Variants in CFAP299 observed in about 807,000 individuals in gnomAD.
CFAP299 encodes cilia- and flagella-associated protein 299.
Under a neutral mutation model 27.0 loss-of-function variants are expected in CFAP299, and 21 were observed. The ratio of observed to expected loss-of-function variants is 0.78; its 90% confidence interval spans 0.55 to 1.12. The LOEUF (loss-of-function observed/expected upper bound fraction) is 1.12. Among genes scored for constraint, CFAP299 ranks in the 50% most tolerant of loss-of-function variants. CFAP299 has a pLI of 0.00. For missense variants in CFAP299, 310 were observed against 276.6 expected, an observed-to-expected ratio of 1.12 and a Z score of -0.86; for synonymous variants, 104 against 98.1, an observed-to-expected ratio of 1.06 and a Z score of -0.36.
At chr4:80,355,002 A>G (rs1723194045) in intron 1 of CFAP299, among the ~76,000 whole-genome samples, 1 of 152,196 alleles carries the variant, frequency 6.6e-6, no homozygotes, top group African/African-American at 2.4e-5. Flanking sequence ...ATGTATATTT[A>G]TAATAGAATG....
At chr4:80,638,359 A>G (rs538238365) in intron 3 of CFAP299, among the ~76,000 whole-genome samples, 1 of 152,336 alleles carries the variant, frequency 6.6e-6, no homozygotes, top group South Asian at 2.1e-4. Context: ...TTATCGATAT[A>G]TGAATTTGTG....
chr4:80,912,827 C>T (rs1019728361), intron 4 of CFAP299, among the ~76,000 whole-genome samples: 3 of 152,154 alleles, frequency 2.0e-5, no homozygotes, highest in Non-Finnish European at 4.4e-5. Context: ...TGTGGGCACA[C>T]TCCCAAGGAC....
intron 2 of CFAP299, among the ~76,000 whole-genome samples, chr4:80,437,103 C>T (rs192516011): frequency 6.6e-6 from 1 of 152,088 alleles, no homozygotes. Flanking sequence ...TAGATAATAA[C>T]CAGATAAATG....
chr4:80,459,087 C>T (rs1729313802), intron 2 of CFAP299, among the ~76,000 whole-genome samples: 1 of 151,978 alleles, frequency 6.6e-6, no homozygotes, highest in Non-Finnish European at 1.5e-5. Context: ...CTTAATAGAT[C>T]CTCCCACCTC....
Position 80,419,762 on chromosome 4 carries a change from C to T in CFAP299, c.242+56878C>T, listed in dbSNP as rs139111741. ...GGATCATATGTTAGTACTATTTTAGCTTTTTGGGTAACCTCTATACTGTTT... is the reference window on the plus strand; with the variant it reads ...GGATCATATGTTAGTACTATTTTAGTTTTTTGGGTAACCTCTATACTGTTT... On this transcript the variant is annotated intron_variant, in intron 2 of 5. Transcript: ENST00000358105. 9.9e-5 allele frequency among the ~76,000 whole-genome samples: 15 copies of T among 152,166 alleles called. No homozygotes were observed. The East Asian group carries it at 2.5e-3, about 26-fold the overall frequency.
At chr4:80,464,832 A>G (rs943445177) in intron 2 of CFAP299, among the ~76,000 whole-genome samples, 1 of 152,120 alleles carries the variant, frequency 6.6e-6, no homozygotes, top group African/African-American at 2.4e-5. Context: ...TAATTAATAG[A>G]AAAACAAGGA....
intron 2 of CFAP299, among the ~76,000 whole-genome samples, chr4:80,481,815 G>A (rs1243557678): frequency 6.6e-6 from 1 of 151,998 alleles, no homozygotes. Flanking sequence ...AATATATGGT[G>A]ATAGTAGTGC....
In CFAP299 at chr4:80,483,492, A is replaced by G. The variant is rs754256870; in HGVS notation, c.243-99601A>G. 3.9e-5 allele frequency among the ~76,000 whole-genome samples: 6 copies of G among 152,172 alleles called. No homozygotes were observed. In the South Asian group the frequency reaches 1.2e-3, roughly 32 times the overall value. The stretch of plus-strand genomic sequence containing the variant: ...TATAAATCATCTTGATATCATTCTC[A>G]ATTTTGTTTTCATTATAACCATTAT... On this transcript the variant is annotated intron_variant, in intron 2 of 5. Coordinates refer to ENST00000358105, the MANE Select transcript of CFAP299 (RefSeq NM_152770.3).
At chr4:80,579,321 G>A (rs1335518046) in intron 2 of CFAP299, among the ~76,000 whole-genome samples, 1 of 152,186 alleles carries the variant, frequency 6.6e-6, no homozygotes, top group African/African-American at 2.4e-5. Context: ...GGCTCTTAAT[G>A]TGCAAAAGTT....
At chr4:80,515,978 A>G (rs1261133030) in intron 2 of CFAP299, among the ~76,000 whole-genome samples, 1 of 151,712 alleles carries the variant, frequency 6.6e-6, no homozygotes, top group East Asian at 1.9e-4. Context: ...GGACCAAAAT[A>G]CAATATCTAG....
intron 2 of CFAP299, among the ~76,000 whole-genome samples, chr4:80,404,357 G>A (rs578175809): frequency 2.0e-5 from 3 of 151,860 alleles, no homozygotes; most frequent in African/African-American, 4.8e-5. Flanking sequence ...TACTCACCTC[G>A]CTGTGCACCC....
chr4:80,822,710 C>T (rs1201004120), intron 3 of CFAP299, among the ~76,000 whole-genome samples: 9 of 152,040 alleles, frequency 5.9e-5, no homozygotes, highest in Admixed American at 1.3e-4. Flanking sequence ...CCAAGGACCC[C>T]GTAAGAGGAA....
At chr4:80,742,351 A>G (rs896898706) in intron 3 of CFAP299, among the ~76,000 whole-genome samples, 1 of 152,216 alleles carries the variant, frequency 6.6e-6, no homozygotes, top group Non-Finnish European at 1.5e-5. Context: ...ACCTAATAAA[A>G]GACTTTACAT....
At position 80,546,959 on chromosome 4, in the gene CFAP299, G is replaced by A. The variant is rs189356761; in HGVS notation, c.243-36134G>A. Among the ~76,000 whole-genome samples the A allele has an allele frequency of 4.6e-5, 7 of 152,210 alleles. No homozygotes were observed. The East Asian group carries it at 1.2e-3, about 25-fold the overall frequency. On this transcript the variant is annotated intron_variant, in intron 2 of 5. Coordinates refer to ENST00000358105, the MANE Select transcript of CFAP299 (RefSeq NM_152770.3). ...TGTTAAAATGGCCATATTGTCTGGA[G>A]CAATTTATAGATTCAATGCTATTCC...
chr4:80,540,495 A>G (rs534626617), intron 2 of CFAP299, among the ~76,000 whole-genome samples: 1 of 152,364 alleles, frequency 6.6e-6, no homozygotes, highest in Admixed American at 6.5e-5. Flanking sequence ...GTAAACTACA[A>G]TGATAAATGT....
At chr4:80,345,513 G>C (rs1722685149) in intron 1 of CFAP299, among the ~76,000 whole-genome samples, 1 of 148,962 alleles carries the variant, frequency 6.7e-6, no homozygotes, top group South Asian at 2.1e-4. Context: ...CTTTGAGTGA[G>C]AACATGCAGT....
rs574045677 is a variant in CFAP299, at chr4:80,756,901, A to T, written c.334-113092A>T. 1.2e-3 allele frequency among the ~76,000 whole-genome samples: 188 copies of T among 152,338 alleles called. 1 individual carries two copies. Among genetic ancestry groups the T allele is most frequent in the African/African-American group, 4.4e-3 (185 of 41,590 alleles). ...ATGCAAAGAGGTAAATGTTGTAATCATTGTCATAGAATTAATGGCCTCCTA... is the reference window on the plus strand; with the variant it reads ...ATGCAAAGAGGTAAATGTTGTAATCTTTGTCATAGAATTAATGGCCTCCTA... On this transcript the variant is annotated intron_variant, in intron 3 of 5. Coordinates refer to ENST00000358105, the MANE Select transcript of CFAP299 (RefSeq NM_152770.3).
intron 3 of CFAP299, among the ~76,000 whole-genome samples, chr4:80,845,300 CCGTT>C (rs1191491734): frequency 6.7e-5 from 10 of 149,646 alleles, no homozygotes; most frequent in African/African-American, 2.2e-4. Flanking sequence ...TTTTAAAAGA[CCGTT>C]CAAGTTTTTC....
intron 1 of CFAP299, among the ~76,000 whole-genome samples, chr4:80,338,522 T>C (rs995424717): frequency 6.6e-6 from 1 of 152,212 alleles, no homozygotes; most frequent in African/African-American, 2.4e-5. Flanking sequence ...TGAAATTCCA[T>C]TTTTTACCTA....
Sources: gnomAD v4.1 joint callset for allele counts (sites outside exome capture counted in the v4.1 genomes callset) on GRCh38, gnomAD v4.1.1 for gene constraint, MANE v1.5 for transcripts, NCBI Gene and HGNC (gene_info 2026-07-23, HGNC 2026-07-21) for gene names.